The following RAP1A variants were observed in gnomAD, a reference collection of about 807,000 sequenced individuals.
RAP1A encodes ras-related protein Rap-1A.
RAP1A carries 6 observed loss-of-function variants against 26.4 expected under a neutral mutation model. The ratio of observed to expected loss-of-function variants is 0.23; its 90% CI spans 0.12 to 0.45. The LOEUF is 0.45. RAP1A is among the 20% of genes least tolerant of loss of function. The pLI is 0.99. For missense variants in RAP1A, 121 were observed against 217.2 expected, an observed-to-expected ratio of 0.56 and a Z score of 2.78; for synonymous variants, 73 against 79.4, an observed-to-expected ratio of 0.92 and a Z score of 0.43.
intron 1 of RAP1A, among the ~76,000 whole-genome samples, chr1:111,586,987 G>A (rs940046414): frequency 1.3e-5 from 2 of 152,032 alleles, no homozygotes; most frequent in East Asian, 3.9e-4. Context: ...TAAGGTCCAC[G>A]TAGAGGACTC....
intron 7 of RAP1A, among the ~76,000 whole-genome samples, chr1:111,710,484 A>G (rs917430880): frequency 1.3e-5 from 2 of 152,224 alleles, no homozygotes; most frequent in Non-Finnish European, 2.9e-5. Context: ...GATTTATTAC[A>G]TAATTTGGTG....
At chr1:111,571,554 G>T (rs541892136) in intron 1 of RAP1A, among the ~76,000 whole-genome samples, 1 of 152,112 alleles carries the variant, frequency 6.6e-6, no homozygotes, top group Non-Finnish European at 1.5e-5. Flanking sequence ...AAGTTCCAAG[G>T]GTTTTAGGAA....
chr1:111,564,524 T>A (rs1014105179), intron 1 of RAP1A, among the ~76,000 whole-genome samples: 25 of 149,584 alleles, frequency 1.7e-4, no homozygotes, highest in African/African-American at 6.1e-4. Flanking sequence ...TTTTTTTTTT[T>A]TTTTTTGAGA....
chr1:111,656,405 T>A (rs1345679549), intron 1 of RAP1A, among the ~76,000 whole-genome samples: 1 of 152,190 alleles, frequency 6.6e-6, no homozygotes, highest in Non-Finnish European at 1.5e-5. Context: ...GCAAAACCCT[T>A]TTTGAAACCA....
intron 7 of RAP1A, among the ~76,000 whole-genome samples, chr1:111,712,106 T>C (rs2101320248): frequency 6.6e-6 from 1 of 152,280 alleles, no homozygotes; most frequent in South Asian, 2.1e-4. Flanking sequence ...AATAAAAATA[T>C]CATTGTCTTC....
chr1:111,542,392 G>A, exon 1 of RAP1A: 1 of 225,686 alleles, frequency 4.4e-6, no homozygotes, highest in Non-Finnish European at 9.4e-6. Flanking sequence ...AGAGCAGGAA[G>A]CTGCCTGAGG....
chr1:111,650,869 A>G (rs1323716357), intron 1 of RAP1A, among the ~76,000 whole-genome samples: 1 of 151,768 alleles, frequency 6.6e-6, no homozygotes, highest in African/African-American at 2.4e-5. Flanking sequence ...GATCACTGCA[A>G]CGGCTCACTG....
chr1:111,579,588 G>T (rs962364901), intron 1 of RAP1A, among the ~76,000 whole-genome samples: 14 of 152,192 alleles, frequency 9.2e-5, no homozygotes, highest in Admixed American at 3.9e-4. Context: ...CATTACAGAG[G>T]CTCCTCAACT....
intron 1 of RAP1A, among the ~76,000 whole-genome samples, chr1:111,577,658 G>A (rs1451607376): frequency 6.6e-6 from 1 of 151,884 alleles, no homozygotes; most frequent in African/African-American, 2.4e-5. Flanking sequence ...TTTCACCTGG[G>A]CAAGATCCTT....
In RAP1A at chr1:111,713,989, TGAA is replaced by T. The variant is rs1662461302; in HGVS notation, c.*1593_*1595del. On this transcript the variant is annotated 3_prime_UTR_variant, in exon 8 of 8. Transcript: ENST00000369709. Reference sequence around the variant, plus strand: ...GATACTGTCTCTTTGCAACTAGGTATGAAGAAGTGTTCATGCCTTGCTGAGATT... The same window carrying T: ...GATACTGTCTCTTTGCAACTAGGTATGAAGTGTTCATGCCTTGCTGAGATT... The T allele has an allele frequency of 6.6e-6, 1 of 152,210 alleles. No individual in the cohort carries two copies. The highest frequency in any genetic ancestry group is 2.4e-5 in the African/African-American group (1 of 41,452). 9.4% of individuals were successfully genotyped at this position (152,210 alleles called of 1,614,324 possible).
At chr1:111,626,398 CACATAT>C (rs1012028824) in intron 1 of RAP1A, among the ~76,000 whole-genome samples, 1 of 142,644 alleles carries the variant, frequency 7.0e-6, no homozygotes, top group African/African-American at 2.7e-5. Context: ...CACACACACA[CACATAT>C]GCATGTATAT....
chr1:111,707,599 C>T (rs1662234827), intron 6 of RAP1A, among the ~76,000 whole-genome samples: 1 of 152,188 alleles, frequency 6.6e-6, no homozygotes. Flanking sequence ...TCAGATTTTA[C>T]CAGTTGTCCC....
intron 1 of RAP1A, among the ~76,000 whole-genome samples, chr1:111,690,061 AT>A (rs1027561831): frequency 3.1e-4 from 47 of 150,680 alleles, no homozygotes; most frequent in African/African-American, 9.5e-4. Context: ...GAGTGGTGGA[AT>A]TTTTTTTTTC....
chr1:111,688,026 CAA>C (rs58107878), intron 1 of RAP1A, among the ~76,000 whole-genome samples: 2 of 51,710 alleles, frequency 3.9e-5, no homozygotes, highest in Non-Finnish European at 6.1e-5. Context: ...GACCCTGTCT[CAA>C]AAAAAAAAAA....
At chr1:111,623,552 A>G (rs535212412) in intron 1 of RAP1A, among the ~76,000 whole-genome samples, 1 of 152,118 alleles carries the variant, frequency 6.6e-6, no homozygotes, top group African/African-American at 2.4e-5. Context: ...GATTACAGGC[A>G]CGTGCCACCA....
At position 111,703,455 on chromosome 1, in the gene RAP1A, A is replaced by G. The variant is rs753304492; in HGVS notation, c.303A>G (p.Leu101=). The G allele has an allele frequency of 1.9e-6, 3 of 1,604,734 alleles. No homozygotes were observed. The highest frequency in any genetic ancestry group is 2.6e-6 in the Non-Finnish European group (3 of 1,175,562). The change falls in exon 5 of 8, where the codon TTA becomes TTG. Residue 101 remains leucine (L), a synonymous_variant. Transcript: ENST00000369709. ...NDLQDLREQI[L]RVKDTEDVPM... ...TACAGGACCTGAGGGAACAGATTTT[A>G]CGGGTTAAGGACACGGAAGATGTAA...
intron 2 of RAP1A, among the ~76,000 whole-genome samples, chr1:111,692,898 G>T (rs548829175): frequency 8.9e-4 from 135 of 152,312 alleles, no homozygotes; most frequent in Non-Finnish European, 3.4e-4. Flanking sequence ...GGGAACAAGG[G>T]TGGTAGATAA....
chr1:111,709,354 G>T, intron 7 of RAP1A, 90 bp downstream of exon 7: 1 of 1,363,316 alleles, frequency 7.3e-7, no homozygotes, highest in South Asian at 1.7e-5. Context: ...CATCTGTTAT[G>T]GTATTTCTAA....
At chr1:111,671,720 C>T (rs922041957) in intron 1 of RAP1A, among the ~76,000 whole-genome samples, 4 of 152,178 alleles carry the variant, frequency 2.6e-5, no homozygotes, top group Non-Finnish European at 5.9e-5. Context: ...GCGATCCACC[C>T]GCCTTGGCCT....
Sources: allele counts gnomAD v4.1 joint callset (sites outside exome capture counted in the v4.1 genomes callset), GRCh38; gene constraint gnomAD v4.1.1; transcripts MANE v1.5; gene names NCBI Gene and HGNC (gene_info 2026-07-23, HGNC 2026-07-21).